The following HMCES variants were observed in gnomAD, a reference collection of about 807,000 sequenced individuals.
The protein encoded by HMCES is abasic site processing protein HMCES.
Under a neutral mutation model 35.1 loss-of-function variants are expected in HMCES, and 27 were observed. The observed-to-expected ratio is 0.77, with a 90% CI of 0.57 to 1.06. The LOEUF (loss-of-function observed/expected upper bound fraction) is 1.06, where lower values mean the gene tolerates loss of function less well. HMCES is among the 50% of genes least tolerant of loss of function. The pLI, the probability that HMCES is intolerant of heterozygous loss-of-function variation, is 0.00. For synonymous variants in HMCES, 130 were observed against 154.7 expected, an observed-to-expected ratio of 0.84 and a Z score of 1.18; for missense variants, 391 against 430.4, an observed-to-expected ratio of 0.91 and a Z score of 0.81.
chr3:129,282,154 G>A (rs759683048), intron 2 of HMCES, among the ~76,000 whole-genome samples: 1 of 151,502 alleles, frequency 6.6e-6, no homozygotes, highest in Non-Finnish European at 1.5e-5. Flanking sequence ...AGAATAGAGA[G>A]CAGGATTAAG....
intron 4 of HMCES, among the ~76,000 whole-genome samples, chr3:129,293,170 TC>T (rs1279066914): frequency 6.6e-6 from 1 of 152,246 alleles, no homozygotes; most frequent in Non-Finnish European, 1.5e-5. Context: ...TTATGTGCTA[TC>T]CTGTAAGCCC....
At chr3:129,299,648 C>CTTTT (rs34382705) in intron 5 of HMCES, among the ~76,000 whole-genome samples, 465 of 110,064 alleles carry the variant, frequency 4.2e-3, no homozygotes, top group East Asian at 0.013. Flanking sequence ...ATAGGTGCTT[C>CTTTT]TTTTTTTTTT....
Position 129,302,009 on chromosome 3 carries a change from T to G in HMCES, c.695T>G (p.Val232Gly). The G allele has an allele frequency of 1.2e-6, 2 of 1,614,154 alleles. No homozygotes were observed. Among genetic ancestry groups the G allele is most frequent in the Non-Finnish European group, 1.7e-6 (2 of 1,180,014 alleles). ...AVSKWLDFGE[V>G]STQEALKLIH... ...TCTAAATGGCTTGACTTTGGTGAAG[T>G]CTCAACTCAGGAAGCTCTGAAATTA... The change falls in exon 6 of 7, where the codon GTC (valine) becomes GGC (glycine). Residue 232 changes from valine to glycine, a missense_variant. By Grantham distance (109) the Val-to-Gly change is moderately radical. Transcript: ENST00000383463.
At chr3:129,281,880 A>G (rs1410819158) in intron 2 of HMCES, among the ~76,000 whole-genome samples, 2 of 148,440 alleles carry the variant, frequency 1.3e-5, no homozygotes, top group Admixed American at 6.8e-5. Flanking sequence ...TGAGTCGAGA[A>G]TGTGCCACTG....
intron 2 of HMCES, among the ~76,000 whole-genome samples, chr3:129,281,719 C>G (rs1022401672): frequency 6.6e-6 from 1 of 151,822 alleles, no homozygotes; most frequent in African/African-American, 2.4e-5. Flanking sequence ...CAAATAATGG[C>G]TGGGCACGGT....
At chr3:129,287,209 G>GT (rs1250366064) in intron 2 of HMCES, among the ~76,000 whole-genome samples, 1 of 149,154 alleles carries the variant, frequency 6.7e-6, no homozygotes, top group Non-Finnish European at 1.5e-5. Flanking sequence ...TTTTTGTGGG[G>GT]TTTTTTTGTT....
chr3:129,303,687 C>T (rs1323766919), intron 6 of HMCES, among the ~76,000 whole-genome samples: 1 of 151,606 alleles, frequency 6.6e-6, no homozygotes, highest in African/African-American at 2.4e-5. Context: ...TTAGGATGCT[C>T]AACCTGTATT....
intron 2 of HMCES, among the ~76,000 whole-genome samples, chr3:129,285,878 C>T (rs1299605696): frequency 1.3e-5 from 2 of 151,952 alleles, no homozygotes; most frequent in Non-Finnish European, 1.5e-5. Context: ...TACAGGCACA[C>T]GCCACCACAC....
At chr3:129,294,391 C>G (rs759271607) in intron 4 of HMCES, among the ~76,000 whole-genome samples, 1 of 152,030 alleles carries the variant, frequency 6.6e-6, no homozygotes, top group African/African-American at 2.4e-5. Flanking sequence ...CCACTGTGCT[C>G]CAGCCTGGGC....
chr3:129,297,943 G>A (rs1048889824), intron 4 of HMCES, among the ~76,000 whole-genome samples: 1 of 152,100 alleles, frequency 6.6e-6, no homozygotes, highest in African/African-American at 2.4e-5. Context: ...TTAGGAATTG[G>A]CATGAAATTC....
At chr3:129,301,571 TGTAA>T (rs1201266964) in intron 5 of HMCES, among the ~76,000 whole-genome samples, 1 of 152,242 alleles carries the variant, frequency 6.6e-6, no homozygotes, top group Non-Finnish European at 1.5e-5. Flanking sequence ...ATTTTCTTAC[TGTAA>T]GTCTTTCAGA....
intron 2 of HMCES, among the ~76,000 whole-genome samples, chr3:129,283,526 TG>T (rs1453210986): frequency 6.6e-6 from 1 of 151,926 alleles, no homozygotes; most frequent in African/African-American, 2.4e-5. Flanking sequence ...TTGCTCAAAC[TG>T]GTCTCAAGAC....
At chr3:129,298,238 TG>T in intron 4 of HMCES, 115 bp from the exon 5 acceptor site, 1 of 907,832 alleles carries the variant, frequency 1.1e-6, no homozygotes, top group African/African-American at 1.7e-5. Flanking sequence ...TAATAAGACG[TG>T]GGCTGAATTA....
chr3:129,280,369 G>A (rs1400317764), intron 2 of HMCES, among the ~76,000 whole-genome samples: 1 of 151,970 alleles, frequency 6.6e-6, no homozygotes, highest in Non-Finnish European at 1.5e-5. Context: ...AACATAGGGA[G>A]ACCCCATCTC....
Position 129,305,130 on chromosome 3 carries a change from A to C in HMCES, c.*305A>C. On this transcript the variant is annotated 3_prime_UTR_variant, in exon 7 of 7. Transcript: ENST00000383463. ...CAAAGCATGCCTTACCCAGCTGGGA[A>C]GTCTCTGCCCTGATCTGGTACTCCT... The C allele has an allele frequency of 2.3e-6, 1 of 428,956 alleles. No homozygotes were observed. Among genetic ancestry groups the C allele is most frequent in the East Asian group, 4.2e-5 (1 of 23,954 alleles). 26.6% of individuals were successfully genotyped at this position (428,956 alleles called of 1,614,324 possible).
At chr3:129,301,272 TTA>T (rs1044407169) in intron 5 of HMCES, among the ~76,000 whole-genome samples, 3 of 151,770 alleles carry the variant, frequency 2.0e-5, no homozygotes, top group African/African-American at 7.3e-5. Flanking sequence ...CCTTTAAAAA[TTA>T]TATTTCATTT....
chr3:129,298,576 A>G (rs2071122467), intron 5 of HMCES, 41 bp downstream of exon 5: 1 of 1,555,886 alleles, frequency 6.4e-7, no homozygotes, highest in Non-Finnish European at 8.8e-7. Flanking sequence ...AAGGATCCAA[A>G]AGATGATTTG....
rs1187095034 is a variant in HMCES, at chr3:129,305,691, CGGCGCCGAGCCCA to C, written c.*868_*880del. ...TTCCGAGATGACCAGGAGGACTGGG[CGGCGCCGAGCCCA>C]GAACGCTCCTGGCGCAGCACCGTTG... On this transcript the variant is annotated 3_prime_UTR_variant, in exon 7 of 7. Transcript: ENST00000383463. 1 of 152,252 alleles carries C rather than the reference CGGCGCCGAGCCCA, an allele frequency of 6.6e-6. No individual in the cohort carries two copies. The highest frequency in any genetic ancestry group is 2.4e-5 in the African/African-American group (1 of 41,436). The allele number at this position is 152,252 out of a possible 1,614,324, so 9.4% of individuals were successfully genotyped here.
chr3:129,291,476 T>C (rs1333176630), intron 4 of HMCES, among the ~76,000 whole-genome samples: 1 of 152,264 alleles, frequency 6.6e-6, no homozygotes, highest in African/African-American at 2.4e-5. Context: ...AACAGAATCA[T>C]AGAATATGTG....
Sources: gnomAD v4.1 joint callset for allele counts (sites outside exome capture counted in the v4.1 genomes callset) on GRCh38, gnomAD v4.1.1 for gene constraint, MANE v1.5 for transcripts, NCBI Gene and HGNC (gene_info 2026-07-23, HGNC 2026-07-21) for gene names.